RELN: variants seen among roughly 807,000 people sequenced by gnomAD.
RELN encodes reelin.
RELN carries 108 observed loss-of-function variants against 427.6 expected under a neutral mutation model. That is an observed-to-expected ratio of 0.25 (90% CI 0.22 to 0.30). RELN has a LOEUF of 0.30. Ranked by LOEUF, RELN falls within the 10% of genes least tolerant of loss-of-function variation. The probability of loss-of-function intolerance (pLI) is 1.00; values close to 1 mark genes in which losing one functional copy is unlikely to be tolerated. For missense variants in RELN, 3,715 were observed against 4,302.8 expected, an observed-to-expected ratio of 0.86 and a Z score of 3.82; for synonymous variants, 1,524 against 1,513.4, an observed-to-expected ratio of 1.01 and a Z score of -0.16.
chr7:103,523,688 C>CT (rs1021144355), intron 46 of RELN, among the ~76,000 whole-genome samples, 157 bp from the exon 47 acceptor site: 1 of 152,038 alleles, frequency 6.6e-6, no homozygotes, highest in East Asian at 1.9e-4. Flanking sequence ...TTCTTCTTTT[C>CT]TTTTTTTGAG....
rs2117179876 is a variant in RELN at position 103,562,345 on chromosome 7, A to G, written c.5211-392T>C. The stretch of plus-strand genomic sequence containing the variant: ...TTGAAGGTGATAAACATGAGGAAAA[A>G]TTAGGGTCTTAAAAGTTCTGGCAGT... On this transcript the variant is annotated intron_variant, in intron 34 of 64. Transcript: ENST00000428762. 1.3e-5 allele frequency among the ~76,000 whole-genome samples: 2 copies of G among 152,280 alleles called. 1 individual carries two copies. The highest frequency in any genetic ancestry group is 4.1e-4 in the South Asian group (2 of 4,820).
rs1827904508 is a variant in RELN, at chr7:103,472,928, T to C, written c.10287-20A>G. ...CGAGTGCTGTTAAAATCAAACAGGA[T>C]AGAGGCAGGGAAGGAAAGGAAAAAG... On this transcript the variant is annotated intron_variant, in intron 64 of 64. Coordinates refer to ENST00000428762, the MANE Select transcript of RELN (RefSeq NM_005045.4). 2 of 1,584,634 alleles carry C rather than the reference T, an allele frequency of 1.3e-6. No individual in the cohort carries two copies. The highest frequency in any genetic ancestry group is 1.3e-5 in the African/African-American group (1 of 74,312).
chr7:103,942,782 C>A (rs188597496), intron 1 of RELN, among the ~76,000 whole-genome samples: 1 of 151,952 alleles, frequency 6.6e-6, no homozygotes, highest in Non-Finnish European at 1.5e-5. Context: ...AGTGGTGGCA[C>A]GTGCCTGTAG....
In RELN at chr7:103,595,199, T is replaced by C. The variant is rs362668; in HGVS notation, c.3540-707A>G. On this transcript the variant is annotated intron_variant, in intron 25 of 64. Coordinates refer to ENST00000428762, the MANE Select transcript of RELN (RefSeq NM_005045.4). Reference sequence around the variant, plus strand: ...GAGTTACCTAGTCACCTTACTGAACTCTCAATAATTTCAGATTCACATATT... The same window carrying C: ...GAGTTACCTAGTCACCTTACTGAACCCTCAATAATTTCAGATTCACATATT... 4.1e-3 allele frequency among the ~76,000 whole-genome samples: 627 copies of C among 152,320 alleles called. 3 individuals carry two copies. The highest frequency in any genetic ancestry group is 0.015 in the African/African-American group (606 of 41,576).
intron 20 of RELN, among the ~76,000 whole-genome samples, chr7:103,615,538 C>A (rs1006817): frequency 0.23 from 35,440 of 152,076 alleles, 5,029 homozygotes; most frequent in South Asian, 0.37. Context: ...TCGTGATTTT[C>A]TAACAGCTGG....
At chr7:103,604,248 T>C (rs1013695092) in intron 23 of RELN, 98 bp downstream of exon 23, 1 of 1,388,710 alleles carries the variant, frequency 7.2e-7, no homozygotes, top group African/African-American at 1.4e-5. Flanking sequence ...TCATTATTTA[T>C]CGGTCTATCC....
At chr7:103,518,001 G>A (rs1005121442) in intron 49 of RELN, among the ~76,000 whole-genome samples, 1 of 152,166 alleles carries the variant, frequency 6.6e-6, no homozygotes, top group Non-Finnish European at 1.5e-5. Context: ...TCCTTCCTAT[G>A]GACTGTAAAG....
chr7:103,609,246 C>T (rs572376530), intron 22 of RELN, among the ~76,000 whole-genome samples: 2 of 149,432 alleles, frequency 1.3e-5, no homozygotes, highest in East Asian at 3.9e-4. Flanking sequence ...AAAAAATACA[C>T]TATCAGTAGT....
chr7:103,851,389 C>T (rs533414720), intron 2 of RELN, among the ~76,000 whole-genome samples: 1 of 152,204 alleles, frequency 6.6e-6, no homozygotes, highest in South Asian at 2.1e-4. Flanking sequence ...GCAATGTATA[C>T]TTCTCAGGTG....
intron 8 of RELN, among the ~76,000 whole-genome samples, chr7:103,720,023 T>C (rs1350158541): frequency 6.6e-6 from 1 of 152,106 alleles, no homozygotes; most frequent in Admixed American, 6.6e-5. Flanking sequence ...CTTACATTTA[T>C]GTATATATAT....
chr7:103,848,898 C>T (rs570201203), intron 2 of RELN, among the ~76,000 whole-genome samples: 2 of 152,258 alleles, frequency 1.3e-5, no homozygotes, highest in East Asian at 1.9e-4. Context: ...TGTACCTCAC[C>T]CCTTACCTTG....
intron 22 of RELN, among the ~76,000 whole-genome samples, chr7:103,606,950 G>T (rs1041670144): frequency 9.2e-5 from 14 of 151,842 alleles, no homozygotes; most frequent in African/African-American, 3.4e-4. Flanking sequence ...TTGTCCTTGC[G>T]ATAGTTTGCT....
chr7:103,597,168 G>T (rs1289799258), intron 24 of RELN, among the ~76,000 whole-genome samples: 1 of 152,134 alleles, frequency 6.6e-6, no homozygotes, highest in African/African-American at 2.4e-5. Flanking sequence ...ACAATTAGAT[G>T]AAATAACATG....
chr7:103,906,578 C>T (rs1386325975), intron 2 of RELN, among the ~76,000 whole-genome samples: 4 of 152,056 alleles, frequency 2.6e-5, no homozygotes, highest in Non-Finnish European at 5.9e-5. Context: ...TCCTCTGAGC[C>T]GTTATAGAGC....
chr7:103,534,095 T>A (rs1463080467), intron 46 of RELN, among the ~76,000 whole-genome samples: 1 of 152,238 alleles, frequency 6.6e-6, no homozygotes, highest in Non-Finnish European at 1.5e-5. Flanking sequence ...CCATTTATGA[T>A]AATCCTAAGA....
intron 11 of RELN, among the ~76,000 whole-genome samples, chr7:103,666,347 C>G (rs12671085): frequency 0.31 from 47,167 of 152,028 alleles, 7,475 homozygotes; most frequent in Middle Eastern, 0.38. Flanking sequence ...GCTGGGATTA[C>G]AGGTGTCAGC....
At chr7:103,575,936 A>G (rs527453096) in intron 28 of RELN, among the ~76,000 whole-genome samples, 3 of 151,980 alleles carry the variant, frequency 2.0e-5, no homozygotes, top group Non-Finnish European at 4.4e-5. Flanking sequence ...GGAGTGCAGT[A>G]GGGTGATCTC....
Position 103,989,130 on chromosome 7 carries a change from C to A in RELN, c.226+1G>T. ...GAGCGCGGAGGTGCTGCGGTACCTA[C>A]CATGGTATTCTTGTCCCGGAACGTA... is the stretch of plus-strand genomic sequence containing the variant. On this transcript the variant is annotated splice_donor_variant, in intron 1 of 64. Transcript: ENST00000428762. LOFTEE classifies it high-confidence loss of function. The surrounding 1 kb of genome is among the most constrained non-coding windows in gnomAD (Gnocchi z 4.9). 2 of 1,613,608 alleles carry A rather than the reference C, an allele frequency of 1.2e-6. No homozygotes were observed. The highest frequency in any genetic ancestry group is 1.7e-6 in the Non-Finnish European group (2 of 1,179,774).
chr7:103,826,592 C>T (rs1319756401), intron 3 of RELN, among the ~76,000 whole-genome samples: 4 of 151,972 alleles, frequency 2.6e-5, no homozygotes, highest in Admixed American at 6.6e-5. Context: ...TCACCTGTTT[C>T]TCAGACGTCT....
Sources: gnomAD v4.1 joint callset for allele counts (sites outside exome capture counted in the v4.1 genomes callset) on GRCh38, gnomAD v4.1.1 for gene constraint, Gnocchi (gnomAD v3.1) non-coding constraint, MANE v1.5 for transcripts, NCBI Gene and HGNC (gene_info 2026-07-23, HGNC 2026-07-21) for gene names.